STK32A: variants seen among roughly 807,000 people sequenced by gnomAD.
STK32A encodes the protein serine/threonine-protein kinase 32A.
STK32A carries 41 observed loss-of-function variants against 53.2 expected under a neutral mutation model. The observed-to-expected ratio is 0.77, with a 90% CI of 0.60 to 1.00. The LOEUF (loss-of-function observed/expected upper bound fraction) is 1.00, where lower values mean the gene tolerates loss of function less well. Ranked by LOEUF, STK32A falls within the 50% of genes least tolerant of loss-of-function variation. The probability of loss-of-function intolerance (pLI) is 0.00; values close to 1 mark genes in which losing one functional copy is unlikely to be tolerated. For missense variants in STK32A, 458 were observed against 485.8 expected, an observed-to-expected ratio of 0.94 and a Z score of 0.54; for synonymous variants, 166 against 162.8, an observed-to-expected ratio of 1.02 and a Z score of -0.15.
chr5:147,392,779 C>T (rs1757851210), downstream of STK32A: 1 of 152,176 alleles, frequency 6.6e-6, no homozygotes, highest in African/African-American at 2.4e-5. Context: ...AAAGTTCCCC[C>T]AGAGTTTCTG....
intron 4 of STK32A, among the ~76,000 whole-genome samples, chr5:147,311,485 A>G (rs906280545): frequency 6.6e-6 from 1 of 152,182 alleles, no homozygotes; most frequent in Non-Finnish European, 1.5e-5. Context: ...TCAATTAGTG[A>G]GCAATTCAGG....
At chr5:147,382,832 C>A (rs765941170) in intron 11 of STK32A, 1 of 152,238 alleles carries the variant, frequency 6.6e-6, no homozygotes. Context: ...AAGGTGCTGG[C>A]CCTTTAATTC....
intron 4 of STK32A, among the ~76,000 whole-genome samples, chr5:147,319,544 TA>T (rs1226395943): frequency 2.6e-5 from 4 of 152,116 alleles, no homozygotes; most frequent in African/African-American, 9.7e-5. Context: ...TACTAGTTTT[TA>T]AAAAATGAAC....
rs1398630968 is a variant in STK32A at position 147,351,162 on chromosome 5, T to G, written c.562+8T>G. The G allele has an allele frequency of 1.9e-6, 3 of 1,609,098 alleles. No individual in the cohort carries two copies. The Admixed American group carries it at 5.0e-5, about 27-fold the overall frequency. On this transcript the variant is annotated splice_region_variant and intron_variant, in intron 7 of 12. Coordinates refer to ENST00000397936, the MANE Select transcript of STK32A (RefSeq NM_001112724.2). ...GCACCAAGCCTTACATGGGTATGGG[T>G]TTCATGAGTGTCTTTTTTTTTTCTT...
intron 4 of STK32A, among the ~76,000 whole-genome samples, chr5:147,322,285 CT>C (rs1754360157): frequency 6.6e-6 from 1 of 152,192 alleles, no homozygotes; most frequent in East Asian, 1.9e-4. Context: ...CTAAACTCCT[CT>C]AAGAGCTAAA....
intron 4 of STK32A, 133 bp downstream of exon 4, chr5:147,279,531 A>C (rs1375861806): frequency 5.2e-6 from 4 of 767,148 alleles, no homozygotes; most frequent in Non-Finnish European, 8.1e-6. Context: ...GAAAGAGTTC[A>C]AGGATGAGTT....
At chr5:147,327,345 T>C (rs949536862) in intron 5 of STK32A, among the ~76,000 whole-genome samples, 27 of 152,198 alleles carry the variant, frequency 1.8e-4, no homozygotes, top group African/African-American at 6.0e-4. Flanking sequence ...ACCTTTTAGT[T>C]ACTTAGAAAG....
intron 7 of STK32A, among the ~76,000 whole-genome samples, chr5:147,355,074 T>C (rs1756155760): frequency 6.6e-6 from 1 of 152,104 alleles, no homozygotes; most frequent in African/African-American, 2.4e-5. Context: ...GGATACTAAG[T>C]AGCAATTCAC....
chr5:147,239,762 T>C, intron 2 of STK32A, 76 bp downstream of exon 2: 1 of 1,153,374 alleles, frequency 8.7e-7, no homozygotes, highest in Non-Finnish European at 1.3e-6. Context: ...GTTTCATAAG[T>C]TAAGCATAAG....
intron 2 of STK32A, among the ~76,000 whole-genome samples, chr5:147,266,750 C>T (rs1020264436): frequency 6.6e-6 from 1 of 151,982 alleles, no homozygotes; most frequent in Non-Finnish European, 1.5e-5. Context: ...ATTGGCTGGG[C>T]GTGATGGCTC....
At chr5:147,400,407 T>C in the STK32A span, among the ~76,000 whole-genome samples, 1 of 152,244 alleles carries the variant, frequency 6.6e-6, no homozygotes, top group African/African-American at 2.4e-5. Context: ...ACTATTATTT[T>C]AAGTACAGGC....
At chr5:147,367,113 T>G (rs750594970) in intron 8 of STK32A, among the ~76,000 whole-genome samples, 8 of 152,042 alleles carry the variant, frequency 5.3e-5, no homozygotes, top group Non-Finnish European at 8.8e-5. Flanking sequence ...TCCCCCAGGC[T>G]GGAGTGCAAT....
intron 4 of STK32A, among the ~76,000 whole-genome samples, chr5:147,285,511 C>T (rs553171984): frequency 3.9e-5 from 6 of 152,148 alleles, no homozygotes; most frequent in African/African-American, 1.2e-4. Context: ...AAACAGCCCA[C>T]AGAGTGGAAG....
At chr5:147,336,334 C>T (rs574265373) in intron 5 of STK32A, among the ~76,000 whole-genome samples, 4 of 152,028 alleles carry the variant, frequency 2.6e-5, no homozygotes, top group African/African-American at 9.6e-5. Flanking sequence ...ATCTCCCCCT[C>T]ATCCCCCACC....
chr5:147,361,154 A>G (rs934331856), intron 7 of STK32A, among the ~76,000 whole-genome samples: 26 of 152,212 alleles, frequency 1.7e-4, no homozygotes, highest in African/African-American at 6.3e-4. Flanking sequence ...TAGATCCTTT[A>G]GTTGAAACCT....
At chr5:147,265,887 TA>T (rs946849735) in intron 2 of STK32A, among the ~76,000 whole-genome samples, 1 of 152,182 alleles carries the variant, frequency 6.6e-6, no homozygotes, top group Non-Finnish European at 1.5e-5. Flanking sequence ...TGGAGAATTG[TA>T]AAATCCAGCA....
chr5:147,395,882 A>G, the STK32A span, among the ~76,000 whole-genome samples: 1 of 152,198 alleles, frequency 6.6e-6, no homozygotes. Flanking sequence ...AAATAAATAA[A>G]GGAGGATGTG....
chr5:147,326,697 C>T (rs10059609), intron 5 of STK32A, among the ~76,000 whole-genome samples: 32,066 of 152,022 alleles, frequency 0.21, 3,545 homozygotes, highest in East Asian at 0.28. Context: ...AATCCAAAGG[C>T]CTCAGACCTA....
chr5:147,252,620 A>T (rs1002768754), intron 2 of STK32A, among the ~76,000 whole-genome samples: 6 of 152,172 alleles, frequency 3.9e-5, no homozygotes, highest in Non-Finnish European at 8.8e-5. Flanking sequence ...AAGGAATGCA[A>T]ATGAGTTGTA....
Sources: gnomAD v4.1 joint callset for allele counts (sites outside exome capture counted in the v4.1 genomes callset) on GRCh38, gnomAD v4.1.1 for gene constraint, MANE v1.5 for transcripts, NCBI Gene and HGNC (gene_info 2026-07-23, HGNC 2026-07-21) for gene names.